CWC27: variants seen among roughly 807,000 people sequenced by gnomAD.
CWC27 encodes the protein CWC27 spliceosome associated cyclophilin.
Under a neutral mutation model 63.6 loss-of-function variants are expected in CWC27, and 47 were observed. The observed-to-expected ratio is 0.74, with a 90% CI of 0.58 to 0.94. CWC27 has a LOEUF of 0.94. CWC27 is among the 40% of genes least tolerant of loss of function. The probability of loss-of-function intolerance (pLI) is 0.00; values close to 1 mark genes in which losing one functional copy is unlikely to be tolerated. For missense variants in CWC27, 495 were observed against 554.3 expected, an observed-to-expected ratio of 0.89 and a Z score of 1.07; for synonymous variants, 175 against 179.8, an observed-to-expected ratio of 0.97 and a Z score of 0.22.
intron 11 of CWC27, among the ~76,000 whole-genome samples, chr5:64,953,842 A>AT (rs1748754445): frequency 6.6e-6 from 1 of 152,204 alleles, no homozygotes; most frequent in Non-Finnish European, 1.5e-5. Context: ...GCTCACAGAC[A>AT]TTAAGCCTAA....
At chr5:64,830,151 A>G (rs181130912) in intron 10 of CWC27, among the ~76,000 whole-genome samples, 2 of 148,184 alleles carry the variant, frequency 1.3e-5, no homozygotes, top group East Asian at 4.2e-4. Context: ...CATTAGGTAT[A>G]TCTCCTAATG....
At chr5:64,776,317 G>C (rs1473636937) in intron 2 of CWC27, among the ~76,000 whole-genome samples, 1 of 152,000 alleles carries the variant, frequency 6.6e-6, no homozygotes, top group Non-Finnish European at 1.5e-5. Context: ...TTTTACAGAA[G>C]GAGAGTAAAA....
chr5:64,820,732 A>G (rs183811817), intron 10 of CWC27, among the ~76,000 whole-genome samples: 1 of 152,280 alleles, frequency 6.6e-6, no homozygotes, highest in Admixed American at 6.5e-5. Context: ...TCTATGTGCA[A>G]ATAAATAAAT....
intron 13 of CWC27, among the ~76,000 whole-genome samples, chr5:64,979,965 TAAAAAA>T (rs35301190): frequency 1.1e-4 from 12 of 112,266 alleles, no homozygotes; most frequent in African/African-American, 4.1e-4. Context: ...ACTTTTTATG[TAAAAAA>T]AAAAAAAAAA....
At chr5:64,897,213 G>A (rs1442906406) in intron 11 of CWC27, among the ~76,000 whole-genome samples, 1 of 152,060 alleles carries the variant, frequency 6.6e-6, no homozygotes, top group Non-Finnish European at 1.5e-5. Context: ...AATACCATTT[G>A]ACCCACTGAT....
chr5:64,770,825 C>T (rs1315371345), intron 1 of CWC27, among the ~76,000 whole-genome samples: 1 of 152,152 alleles, frequency 6.6e-6, no homozygotes, highest in African/African-American at 2.4e-5. Flanking sequence ...CAAGGACAGA[C>T]TTAATTGCTT....
chr5:64,873,307 T>C (rs78078381), intron 10 of CWC27, among the ~76,000 whole-genome samples: 2,541 of 152,238 alleles, frequency 0.017, 68 homozygotes, highest in African/African-American at 0.059. Context: ...AATTGAACAA[T>C]AGTATTTCAA....
At chr5:64,997,477 A>G (rs1749654070) in intron 13 of CWC27, among the ~76,000 whole-genome samples, 1 of 152,194 alleles carries the variant, frequency 6.6e-6, no homozygotes, top group Admixed American at 6.5e-5. Flanking sequence ...ATTTATCTAT[A>G]TTTGACCACT....
intron 10 of CWC27, among the ~76,000 whole-genome samples, chr5:64,856,456 A>ATGTGTGTGTGTGTGTG (rs1173054801): frequency 7.6e-6 from 1 of 132,144 alleles, no homozygotes; most frequent in East Asian, 2.3e-4. Context: ...AACTTAGTGT[A>ATGTGTGTGTGTGTGTG]TGTGTGTGTG....
chr5:64,785,001 G>T (rs1743831742), intron 4 of CWC27, among the ~76,000 whole-genome samples: 1 of 152,168 alleles, frequency 6.6e-6, no homozygotes, highest in Non-Finnish European at 1.5e-5. Context: ...AAGTTAGAAA[G>T]GCCATCACTG....
chr5:64,786,236 T>C (rs1486111489), intron 5 of CWC27, among the ~76,000 whole-genome samples: 1 of 151,302 alleles, frequency 6.6e-6, no homozygotes, highest in Admixed American at 6.6e-5. Context: ...AATCAAAGCA[T>C]CTGAGTTGAT....
chr5:64,809,290 T>C (rs1331596943), intron 10 of CWC27, among the ~76,000 whole-genome samples: 1 of 152,246 alleles, frequency 6.6e-6, no homozygotes, highest in Non-Finnish European at 1.5e-5. Context: ...TTTTTGTGTG[T>C]GGTGAAAACA....
chr5:64,934,258 C>G lies in CWC27; in HGVS notation c.1043-37445C>G, dbSNP rs2112405895. Among the ~76,000 whole-genome samples, 2 of 152,264 alleles carry G rather than the reference C, an allele frequency of 1.3e-5. 1 individual carries two copies. The highest frequency in any genetic ancestry group is 2.9e-5 in the Non-Finnish European group (2 of 68,020). On this transcript the variant is annotated intron_variant, in intron 11 of 13. Coordinates refer to ENST00000381070, the MANE Select transcript of CWC27 (RefSeq NM_005869.4). The stretch of plus-strand genomic sequence containing the variant: ...CTAATGCTATTTCTCCCCTAGAACC[C>G]CACTTCCCAACAGACCCTGGTGTGT...
Position 64,800,265 on chromosome 5 carries a change from C to T in CWC27, c.687C>T (p.Ser229=). The change falls in exon 8 of 14, where the codon AGC becomes AGT. Residue 229 remains serine, a synonymous_variant. Coordinates refer to ENST00000381070, the MANE Select transcript of CWC27 (RefSeq NM_005869.4). ...CTTTGCAGAGCATGAAGGGCAAAAGCAAAAGTAGTCATGACTTGCTTAAGG... is the reference window on the plus strand; with the variant it reads ...CTTTGCAGAGCATGAAGGGCAAAAGTAAAAGTAGTCATGACTTGCTTAAGG... ...NRVSQSMKGK[S]KSSHDLLKDD... is the part of the protein sequence containing the mutation. The T allele has an allele frequency of 6.2e-7, 1 of 1,611,722 alleles. No individual in the cohort carries two copies. The highest frequency in any genetic ancestry group is 8.5e-7 in the Non-Finnish European group (1 of 1,178,460).
intron 11 of CWC27, among the ~76,000 whole-genome samples, chr5:64,903,888 TGTATCAA>T (rs1281677906): frequency 6.6e-6 from 1 of 152,196 alleles, no homozygotes; most frequent in African/African-American, 2.4e-5. Flanking sequence ...TTATCCACAT[TGTATCAA>T]GTATCAGCAC....
At chr5:64,942,468 G>GAT (rs1748503883) in intron 11 of CWC27, among the ~76,000 whole-genome samples, 165 of 125,020 alleles carry the variant, frequency 1.3e-3, no homozygotes, top group African/African-American at 4.9e-3. Context: ...AAAGATAAAA[G>GAT]AAAAACATTG....
At chr5:64,956,386 C>T (rs923099077) in intron 11 of CWC27, among the ~76,000 whole-genome samples, 52 of 152,122 alleles carry the variant, frequency 3.4e-4, no homozygotes, top group African/African-American at 1.3e-3. Flanking sequence ...ATACATTCTT[C>T]ATTTTCAAAG....
At chr5:64,807,030 T>G (rs1744701726) in intron 10 of CWC27, among the ~76,000 whole-genome samples, 1 of 152,104 alleles carries the variant, frequency 6.6e-6, no homozygotes, top group South Asian at 2.1e-4. Flanking sequence ...TTATAATGGG[T>G]ATAGCTGCCA....
chr5:64,867,008 A>G (rs762725573), intron 10 of CWC27, among the ~76,000 whole-genome samples: 3 of 152,092 alleles, frequency 2.0e-5, no homozygotes, highest in Non-Finnish European at 2.9e-5. Flanking sequence ...CATTTCACAC[A>G]CCTGAGGATT....
Sources: allele counts gnomAD v4.1 joint callset (sites outside exome capture counted in the v4.1 genomes callset), GRCh38; gene constraint gnomAD v4.1.1; transcripts MANE v1.5; gene names NCBI Gene and HGNC (gene_info 2026-07-23, HGNC 2026-07-21).